Variants in UGT1A10 observed in about 807,000 individuals in gnomAD.
UGT1A10 encodes UDP glucuronosyltransferase family 1 member A10.
In UGT1A10, 49 loss-of-function variants were observed where a neutral mutation model predicts 45.8. The observed-to-expected ratio is 1.07, with a 90% CI of 0.85 to 1.36. The LOEUF is 1.36. Among genes scored for constraint, UGT1A10 ranks in the 40% most tolerant of loss-of-function variants. The probability of loss-of-function intolerance (pLI) is 0.00; values close to 1 mark genes in which losing one functional copy is unlikely to be tolerated. For synonymous variants in UGT1A10, 284 were observed against 249.7 expected (o/e 1.14, Z -1.29); for missense variants, 745 against 668.6 (o/e 1.11, Z -1.26).
At chr2:233,755,096 G>T (rs62191920) in intron 1 of UGT1A10, 3 of 1,334,468 alleles carry the variant, frequency 2.2e-6, no homozygotes, top group Non-Finnish European at 3.0e-6. Context: ...GTTTCTACGC[G>T]TCCGACAACA....
chr2:233,738,615 C>T lies in UGT1A10; in HGVS notation c.856-28419C>T, dbSNP rs190192640. 3.7e-3 allele frequency among the ~76,000 whole-genome samples: 556 copies of T among 152,294 alleles called. 1 individual carries two copies. Among genetic ancestry groups the T allele is most frequent in the Admixed American group, 7.3e-3 (112 of 15,298 alleles). ...CTTGCTAAGCTTTAGCAAAGAAACT[C>T]GTGGCATTTTTGCCCCTGCCCTAGA... is the stretch of plus-strand genomic sequence containing the variant. On this transcript the variant is annotated intron_variant, in intron 1 of 4. Coordinates refer to ENST00000344644, the MANE Select transcript of UGT1A10 (RefSeq NM_019075.4).
chr2:233,724,171 CA>C (rs2077183449), intron 1 of UGT1A10, among the ~76,000 whole-genome samples: 1 of 91,442 alleles, frequency 1.1e-5, no homozygotes, highest in Non-Finnish European at 2.4e-5. Context: ...CTGACCCCCC[CA>C]TCTCCCTCCC....
At chr2:233,677,327 G>A (rs972585847) in intron 1 of UGT1A10, among the ~76,000 whole-genome samples, 1 of 152,056 alleles carries the variant, frequency 6.6e-6, no homozygotes, top group East Asian at 1.9e-4. Context: ...TTCATTGCTA[G>A]TATAGTTGAC....
chr2:233,713,513 G>T (rs1275853145), intron 1 of UGT1A10: 1 of 1,613,912 alleles, frequency 6.2e-7, no homozygotes, highest in East Asian at 2.2e-5. Context: ...TTTTCTTGAG[G>T]AACATTCCAT....
At chr2:233,680,076 G>A (rs2074473830) in intron 1 of UGT1A10, among the ~76,000 whole-genome samples, 1 of 150,044 alleles carries the variant, frequency 6.7e-6, no homozygotes, top group South Asian at 2.1e-4. Context: ...TATCTTCATT[G>A]ATTTTGAAAT....
intron 1 of UGT1A10, among the ~76,000 whole-genome samples, chr2:233,709,947 T>G (rs2076099525): frequency 6.6e-6 from 1 of 152,226 alleles, no homozygotes; most frequent in Admixed American, 6.5e-5. Flanking sequence ...TGGTTTCTGT[T>G]GCTGGATAAC....
Position 233,672,311 on chromosome 2 carries a change from G to A in UGT1A10, c.855+34934G>A, listed in dbSNP as rs771133334. On this transcript the variant is annotated intron_variant, in intron 1 of 4. Coordinates refer to ENST00000344644, the MANE Select transcript of UGT1A10 (RefSeq NM_019075.4). ...GACTTATTTTTTTCAAATTGCAGGA[G>A]TTTGTTTAAAGACAAAAAATTAGTA... The A allele has an allele frequency of 1.4e-5, 22 of 1,613,930 alleles. No individual in the cohort carries two copies. The African/African-American group carries it at 2.4e-4, about 18-fold the overall frequency.
chr2:233,716,754 G>C (rs998175744), intron 1 of UGT1A10, among the ~76,000 whole-genome samples: 2 of 152,170 alleles, frequency 1.3e-5, no homozygotes, highest in Non-Finnish European at 2.9e-5. Flanking sequence ...TGGGAGAGGG[G>C]AGCTAGATCA....
chr2:233,764,019 G>A (rs970114557), intron 1 of UGT1A10, among the ~76,000 whole-genome samples: 1 of 152,200 alleles, frequency 6.6e-6, no homozygotes, highest in Non-Finnish European at 1.5e-5. Context: ...CCCACATGGT[G>A]TCTAAGTGCT....
chr2:233,762,443 C>A (rs1698075308), intron 1 of UGT1A10, among the ~76,000 whole-genome samples: 1 of 152,222 alleles, frequency 6.6e-6, no homozygotes, highest in Non-Finnish European at 1.5e-5. Flanking sequence ...TGTATTCCCA[C>A]TGCCCACTTA....
At chr2:233,708,407 T>G (rs2076017107) in intron 1 of UGT1A10, 1 of 152,202 alleles carries the variant, frequency 6.6e-6, no homozygotes, top group South Asian at 2.1e-4. Context: ...TTCATCAAGT[T>G]GTTTCACCAG....
intron 1 of UGT1A10, among the ~76,000 whole-genome samples, chr2:233,680,065 C>G (rs1027801713): frequency 2.0e-5 from 3 of 151,886 alleles, no homozygotes; most frequent in African/African-American, 7.3e-5. Context: ...TGGTCCTTAT[C>G]TATCTTCATT....
chr2:233,768,189 C>T, intron 3 of UGT1A10, 31 bp from the exon 4 acceptor site: 1 of 1,614,040 alleles, frequency 6.2e-7, no homozygotes. Flanking sequence ...AGAGATGTAA[C>T]TGCTGACATC....
At chr2:233,755,166 T>C in intron 1 of UGT1A10, 2 of 1,275,566 alleles carry the variant, frequency 1.6e-6, no homozygotes, top group Non-Finnish European at 2.1e-6. Context: ...GTCCTCGGGG[T>C]TTTTGTCGGG....
intron 1 of UGT1A10, among the ~76,000 whole-genome samples, chr2:233,647,644 C>A (rs909629858): frequency 6.6e-6 from 1 of 152,196 alleles, no homozygotes; most frequent in African/African-American, 2.4e-5. Context: ...AGAAATTTGT[C>A]CATTCCATCT....
intron 1 of UGT1A10, among the ~76,000 whole-genome samples, chr2:233,658,075 G>A (rs1465954165): frequency 6.7e-6 from 1 of 148,936 alleles, no homozygotes; most frequent in Admixed American, 6.7e-5. Flanking sequence ...CTGGAGTGCA[G>A]TGGGGCAATC....
chr2:233,765,190 A>G (rs186057259), intron 1 of UGT1A10, among the ~76,000 whole-genome samples: 22 of 152,308 alleles, frequency 1.4e-4, no homozygotes, highest in Admixed American at 5.2e-4. Flanking sequence ...ACATCACACA[A>G]TCATATTAGT....
At position 233,765,222 on chromosome 2, in the gene UGT1A10, C is replaced by A. The variant is rs528641835; in HGVS notation, c.856-1812C>A. On this transcript the variant is annotated intron_variant, in intron 1 of 4. Transcript: ENST00000344644. ...TAGTGCCCTCAGTATTCTTTGCAAA[C>A]ATAAAACCATAGACTCAGTAATCCC... Among the ~76,000 whole-genome samples, 51 of 152,262 alleles carry A rather than the reference C, an allele frequency of 3.3e-4. 1 individual carries two copies. The South Asian group carries it at 4.4e-3, about 13-fold the overall frequency.
At chr2:233,746,121 A>T (rs1693307718) in intron 1 of UGT1A10, among the ~76,000 whole-genome samples, 1 of 151,800 alleles carries the variant, frequency 6.6e-6, no homozygotes, top group Non-Finnish European at 1.5e-5. Context: ...TGTCTGCAAA[A>T]CTGTGGACTG....
Sources: gnomAD v4.1 joint callset for allele counts (sites outside exome capture counted in the v4.1 genomes callset) on GRCh38, gnomAD v4.1.1 for gene constraint, MANE v1.5 for transcripts, NCBI Gene and HGNC (gene_info 2026-07-23, HGNC 2026-07-21) for gene names.